SHROOM3: variants seen among roughly 807,000 people sequenced by gnomAD.
SHROOM3 encodes the protein shroom family member 3.
Under a neutral mutation model 138.6 loss-of-function variants are expected in SHROOM3, and 47 were observed. The observed-to-expected ratio is 0.34, with a 90% CI of 0.27 to 0.43. SHROOM3 has a LOEUF of 0.43. Among genes scored for constraint, SHROOM3 ranks in the 20% least tolerant of loss-of-function variants. SHROOM3 has a pLI of 1.00. For missense variants in SHROOM3, 2,491 were observed against 2,596.5 expected (o/e 0.96, Z 0.88); for synonymous variants, 1,062 against 1,063.3 (o/e 1.00, Z 0.02).
chr4:76,549,667 G>A (rs1733307363), intron 1 of SHROOM3, among the ~76,000 whole-genome samples: 1 of 152,054 alleles, frequency 6.6e-6, no homozygotes, highest in Non-Finnish European at 1.5e-5. Flanking sequence ...GCGCCCGGCA[G>A]TGGCTTCAAC....
rs1423252539 is a variant in SHROOM3, at chr4:76,710,430, C to T, written c.455+143C>T. On this transcript the variant is annotated intron_variant, in intron 3 of 10. Transcript: ENST00000296043. ...AGAGGTAAGAGGCAGAACAAGGAGGCGAGATAGAAGCTCAGAGTTTAGAAG... is the reference window on the plus strand; with the variant it reads ...AGAGGTAAGAGGCAGAACAAGGAGGTGAGATAGAAGCTCAGAGTTTAGAAG... 19 of 976,190 alleles carry T rather than the reference C, an allele frequency of 1.9e-5. No individual in the cohort carries two copies. The East Asian group carries it at 3.2e-4, about 16-fold the overall frequency. 60.5% of individuals were successfully genotyped at this position (976,190 alleles called of 1,614,324 possible). A position where few individuals can be genotyped will look rare whatever the true frequency, so the allele number is the denominator to read the frequency against.
intron 1 of SHROOM3, among the ~76,000 whole-genome samples, chr4:76,466,778 C>T (rs542010819): frequency 1.3e-5 from 2 of 152,118 alleles, no homozygotes; most frequent in Non-Finnish European, 1.5e-5. Context: ...TCCTAAGAGC[C>T]ATAAAGGAAT....
chr4:76,535,720 C>T (rs544094199), intron 1 of SHROOM3, among the ~76,000 whole-genome samples: 132 of 152,344 alleles, frequency 8.7e-4, no homozygotes, highest in African/African-American at 3.0e-3. Context: ...AATGGCCCAT[C>T]ATCATAAAAT....
chr4:76,739,894 A>T lies in SHROOM3; in HGVS notation c.1721A>T (p.His574Leu). ...ENEEDASLKR[H>L]LTPPQGNSPH... ...GAGGAGGATGCCTCCCTGAAGAGACATCTCACACCTCCCCAAGGCAACAGC... is the reference window on the plus strand; with the variant it reads ...GAGGAGGATGCCTCCCTGAAGAGACTTCTCACACCTCCCCAAGGCAACAGC... The change falls in exon 5 of 11, where the codon CAT (histidine) becomes CTT (leucine). Residue 574 changes from histidine to leucine, a missense_variant. Physicochemically the swap from His to Leu is moderately conservative, Grantham distance 99. Transcript: ENST00000296043. The T allele has an allele frequency of 6.2e-7, 1 of 1,614,212 alleles. No individual in the cohort carries two copies. Among genetic ancestry groups the T allele is most frequent in the South Asian group, 1.1e-5 (1 of 91,080 alleles).
chr4:76,696,587 G>GCTGGC (rs1171128357), intron 2 of SHROOM3, among the ~76,000 whole-genome samples: 1 of 152,172 alleles, frequency 6.6e-6, no homozygotes, highest in Non-Finnish European at 1.5e-5. Context: ...CCTGTCATAG[G>GCTGGC]CTGGCCTGGC....
intron 2 of SHROOM3, among the ~76,000 whole-genome samples, chr4:76,642,493 G>A (rs781023788): frequency 1.9e-4 from 29 of 152,180 alleles, no homozygotes; most frequent in Non-Finnish European, 3.7e-4. Context: ...AAGCAGGTTG[G>A]GAGGAGGCCA....
chr4:76,740,325 C>T lies in SHROOM3; in HGVS notation c.2152C>T (p.Arg718Trp), dbSNP rs774215303. 1.2e-6 allele frequency: 2 copies of T among 1,613,116 alleles called. No individual in the cohort carries two copies. Among genetic ancestry groups the T allele is most frequent in the African/African-American group, 1.3e-5 (1 of 75,068 alleles). Residue 718 changes from arginine to tryptophan, a missense_variant, in exon 5 of 11, where the codon CGG becomes TGG. By Grantham distance (101) the Arg-to-Trp change is moderately radical. Around this residue, in one of 4 missense-constraint regions of SHROOM3, gnomAD observed 1,733 missense variants for 1,661.6 expected, o/e 1.04. Transcript: ENST00000296043. This position sits in a 1 kb window ranked among gnomAD's most constrained non-coding sequence, Gnocchi z 4.0. ...AAPDLGSHLD[R>W]QVSYPRPEGR... is the part of the protein sequence containing the mutation. ...TCCTGACCTCGGGAGCCATCTGGACCGGCAGGTTTCCTACCCGCGGCCCGA... is the reference window on the plus strand; with the variant it reads ...TCCTGACCTCGGGAGCCATCTGGACTGGCAGGTTTCCTACCCGCGGCCCGA...
chr4:76,510,780 G>A (rs1020900709), intron 1 of SHROOM3, among the ~76,000 whole-genome samples: 8 of 152,154 alleles, frequency 5.3e-5, no homozygotes, highest in African/African-American at 1.9e-4. Flanking sequence ...GTGTGGCACA[G>A]GGGAAAGAAC....
chr4:76,454,829 T>G (rs1373667845), intron 1 of SHROOM3, among the ~76,000 whole-genome samples: 1 of 152,230 alleles, frequency 6.6e-6, no homozygotes, highest in Non-Finnish European at 1.5e-5. Context: ...TCTGCTTTCT[T>G]TCAGCAATGA....
chr4:76,585,284 G>C (rs1361476678), intron 2 of SHROOM3, among the ~76,000 whole-genome samples: 1 of 152,094 alleles, frequency 6.6e-6, no homozygotes, highest in Non-Finnish European at 1.5e-5. Context: ...CTTTTGCAAG[G>C]AAATTTATAA....
At chr4:76,540,549 C>T (rs1311737949) in intron 1 of SHROOM3, among the ~76,000 whole-genome samples, 1 of 151,922 alleles carries the variant, frequency 6.6e-6, no homozygotes, top group East Asian at 1.9e-4. Flanking sequence ...TCTTTGGAAG[C>T]GGAAGAATAT....
At position 76,740,032 on chromosome 4, in the gene SHROOM3, C is replaced by T. The variant is rs763282977; in HGVS notation, c.1859C>T (p.Ser620Phe). The T allele has an allele frequency of 8.1e-6, 13 of 1,613,826 alleles. No homozygotes were observed. The highest frequency in any genetic ancestry group is 1.0e-5 in the Non-Finnish European group (12 of 1,180,052). Residue 620 changes from serine (S) to phenylalanine (F), a missense_variant, in exon 5 of 11, where the codon TCC (serine) becomes TTC (phenylalanine). By Grantham distance (155) the Ser-to-Phe change is radical. Around this residue, in one of 4 missense-constraint regions of SHROOM3, gnomAD observed 1,733 missense variants for 1,661.6 expected, o/e 1.04. Transcript: ENST00000296043. This position sits in a 1 kb window ranked among gnomAD's most constrained non-coding sequence, Gnocchi z 4.0. Reference sequence around the variant, plus strand: ...CAAGCGGGTGAAGACAAGAGATCTTCCAGGCTCTCAGAGCCCTGGGAGGGC... The same window carrying T: ...CAAGCGGGTGAAGACAAGAGATCTTTCAGGCTCTCAGAGCCCTGGGAGGGC... ...AWQAGEDKRS[S>F]RLSEPWEGDF...
At chr4:76,668,396 A>C (rs907722394) in intron 2 of SHROOM3, among the ~76,000 whole-genome samples, 1 of 152,132 alleles carries the variant, frequency 6.6e-6, no homozygotes, top group Non-Finnish European at 1.5e-5. Context: ...CCCCGTCTCT[A>C]CTAAAAATAC....
At chr4:76,674,553 CCT>C (rs1491474305) in intron 2 of SHROOM3, among the ~76,000 whole-genome samples, 5 of 130,904 alleles carry the variant, frequency 3.8e-5, no homozygotes, top group African/African-American at 1.1e-4. Flanking sequence ...TTCCTTCCTT[CCT>C]TTTTTTTTTT....
At chr4:76,454,744 A>G (rs1330935901) in intron 1 of SHROOM3, among the ~76,000 whole-genome samples, 2 of 152,058 alleles carry the variant, frequency 1.3e-5, no homozygotes, top group Admixed American at 6.5e-5. Context: ...GAATCTGTAG[A>G]TTGTTTTGGT....
chr4:76,570,829 C>T (rs1189861156), intron 2 of SHROOM3, among the ~76,000 whole-genome samples: 1 of 152,156 alleles, frequency 6.6e-6, no homozygotes, highest in Non-Finnish European at 1.5e-5. Flanking sequence ...AGTGTGCAGA[C>T]TACGTGGGTG....
intron 1 of SHROOM3, among the ~76,000 whole-genome samples, chr4:76,499,443 T>TAATATA (rs1553918151): frequency 1.2e-5 from 1 of 86,472 alleles, no homozygotes; most frequent in African/African-American, 3.5e-5. Flanking sequence ...AGCAAATACT[T>TAATATA]AGAATAGGAT....
At chr4:76,735,732 C>T (rs1183602049) in intron 4 of SHROOM3, among the ~76,000 whole-genome samples, 1 of 148,240 alleles carries the variant, frequency 6.7e-6, no homozygotes, top group African/African-American at 2.5e-5. Context: ...CCCAGCTACT[C>T]GGGAGGCTGA....
intron 2 of SHROOM3, among the ~76,000 whole-genome samples, chr4:76,633,836 C>A (rs1470530717): frequency 1.3e-5 from 2 of 152,070 alleles, no homozygotes; most frequent in African/African-American, 2.4e-5. Context: ...GAGCTCCAGG[C>A]CCCTAGTCTC....
Sources: allele counts gnomAD v4.1 joint callset (sites outside exome capture counted in the v4.1 genomes callset), GRCh38; gene constraint gnomAD v4.1.1; regional missense constraint gnomAD v4.1.1; non-coding constraint Gnocchi (gnomAD v3.1); transcripts MANE v1.5; gene names NCBI Gene and HGNC (gene_info 2026-07-23, HGNC 2026-07-21).